PCDH11X: variants seen among roughly 807,000 people sequenced by gnomAD.
PCDH11X encodes protocadherin 11 X-linked.
PCDH11X carries 18 observed loss-of-function variants against 53.3 expected under a neutral mutation model. The ratio of observed to expected loss-of-function variants is 0.34; its 90% CI spans 0.23 to 0.50. The LOEUF (loss-of-function observed/expected upper bound fraction) is 0.50, where lower values mean the gene tolerates loss of function less well. Ranked by LOEUF, PCDH11X falls within the 20% of genes least tolerant of loss-of-function variation. The pLI is 0.98. For missense variants in PCDH11X, 570 were observed against 1,032.4 expected (o/e 0.55, Z 6.14); for synonymous variants, 279 against 393.3 (o/e 0.71, Z 3.44).
intron 8 of PCDH11X, among the ~76,000 whole-genome samples, chrX:92,270,112 C>CTTTTT (rs760007148): frequency 4.2e-5 from 4 of 95,605 alleles, no homozygotes; most frequent in African/African-American, 3.9e-5. Flanking sequence ...GCTTCCTTTT[C>CTTTTT]TTTTTTTTTT....
chrX:92,565,659 G>A (rs1394974495), intron 10 of PCDH11X, among the ~76,000 whole-genome samples: 4 of 104,566 alleles, frequency 3.8e-5, no homozygotes, highest in East Asian at 3.0e-4. Context: ...GGGTTTGGGG[G>A]GAATGCTGGG....
chrX:92,094,284 T>C (rs770638953), intron 6 of PCDH11X, among the ~76,000 whole-genome samples: 47 of 110,312 alleles, frequency 4.3e-4, no homozygotes, highest in African/African-American at 1.5e-3. Context: ...GACAACAGCA[T>C]TTTATCAAGA....
intron 9 of PCDH11X, chrX:92,420,498 T>C (rs1371409780): frequency 2.6e-5 from 9 of 350,942 alleles, no homozygotes; most frequent in Admixed American, 2.5e-4. Context: ...TCTGTGAGTT[T>C]CCCTTCATCT....
At chrX:92,305,092 T>C (rs913051523) in intron 8 of PCDH11X, among the ~76,000 whole-genome samples, 7 of 111,620 alleles carry the variant, frequency 6.3e-5, no homozygotes, top group Admixed American at 1.9e-4. Flanking sequence ...TGATTTACTA[T>C]ATTTTACTAA....
chrX:91,961,400 G>A (rs1187349087), intron 6 of PCDH11X, among the ~76,000 whole-genome samples: 1 of 110,520 alleles, frequency 9.0e-6, no homozygotes, highest in Non-Finnish European at 1.9e-5. Flanking sequence ...TCAGGAGCAA[G>A]GATGTCCACT....
intron 9 of PCDH11X, among the ~76,000 whole-genome samples, chrX:92,394,920 A>G (rs2071210337): frequency 8.9e-6 from 1 of 111,935 alleles, no homozygotes; most frequent in African/African-American, 3.2e-5. Context: ...TGGTGAATAT[A>G]TCAAGGAATT....
intron 9 of PCDH11X, among the ~76,000 whole-genome samples, chrX:92,410,330 T>A (rs1162140058): frequency 8.6e-5 from 9 of 104,191 alleles, no homozygotes; most frequent in African/African-American, 2.8e-4. Flanking sequence ...GAATCACCTT[T>A]CTTAGTGCGT....
chrX:92,023,022 T>TA (rs1382137276), intron 6 of PCDH11X, among the ~76,000 whole-genome samples: 10 of 110,478 alleles, frequency 9.1e-5, no homozygotes, highest in Admixed American at 1.9e-4. Flanking sequence ...AAAGCAGTGT[T>TA]AAGAGGGTAA....
intron 10 of PCDH11X, among the ~76,000 whole-genome samples, chrX:92,480,194 T>G (rs1177725813): frequency 8.9e-6 from 1 of 111,959 alleles, no homozygotes; most frequent in Non-Finnish European, 1.9e-5. Context: ...TTTTCAGCTC[T>G]GTGAGCTCAG....
At chrX:92,553,682 T>G (rs2075000568) in intron 10 of PCDH11X, among the ~76,000 whole-genome samples, 1 of 110,098 alleles carries the variant, frequency 9.1e-6, no homozygotes, top group Admixed American at 9.8e-5. Flanking sequence ...TTTCTCCTCT[T>G]TTTTGATGTA....
intron 1 of PCDH11X, among the ~76,000 whole-genome samples, chrX:91,783,527 G>T (rs1475925963): frequency 9.0e-6 from 1 of 111,473 alleles, no homozygotes; most frequent in African/African-American, 3.3e-5. Flanking sequence ...CTTCCAGACT[G>T]CTGGTGGCAG....
intron 1 of PCDH11X, chrX:91,798,174 G>A (rs763551936): frequency 3.9e-4 from 44 of 111,402 alleles, no homozygotes; most frequent in African/African-American, 1.1e-3. Context: ...TCTGTCCGAG[G>A]ACAATATATT....
At position 91,835,720 on chromosome X, in the gene PCDH11X, G is replaced by A. The variant is rs1322069806; in HGVS notation, c.216G>A (p.Val72=). The change falls in exon 5 of 11, where the codon GTG becomes GTA. Residue 72 remains valine, a synonymous_variant. Coordinates refer to ENST00000682573, the MANE Select transcript of PCDH11X (RefSeq NM_032968.5). ...AGCTAGTGTACAAGACCGGAGATGT[G>A]CCACTGATTCGAATTGAAGAGGATA... is the stretch of plus-strand genomic sequence containing the variant. ...QFKLVYKTGD[V]PLIRIEEDTG... is the part of the protein sequence containing the mutation. 1 of 1,211,527 alleles carries A rather than the reference G, an allele frequency of 8.3e-7. No homozygotes were observed. The highest frequency in any genetic ancestry group is 2.2e-5 in the Admixed American group (1 of 45,945).
intron 6 of PCDH11X, among the ~76,000 whole-genome samples, chrX:92,059,331 C>G (rs1317579725): frequency 1.8e-5 from 2 of 110,915 alleles, no homozygotes; most frequent in Admixed American, 1.9e-4. Flanking sequence ...ATCCCATGAG[C>G]TAGGAAAGGC....
intron 6 of PCDH11X, chrX:92,114,195 C>G (rs2064585394): frequency 3.6e-6 from 4 of 1,109,096 alleles, no homozygotes; most frequent in Non-Finnish European, 2.5e-6. Flanking sequence ...GCTGCAGAAT[C>G]GATATGGCAA....
intron 7 of PCDH11X, among the ~76,000 whole-genome samples, chrX:92,245,691 G>A (rs982726329): frequency 8.9e-6 from 1 of 111,884 alleles, no homozygotes; most frequent in Non-Finnish European, 1.9e-5. Context: ...AGATTTCCCA[G>A]CTTTGACACA....
chrX:92,541,059 C>A (rs1438439994), intron 10 of PCDH11X, among the ~76,000 whole-genome samples: 2 of 110,991 alleles, frequency 1.8e-5, no homozygotes, highest in African/African-American at 6.5e-5. Context: ...TGGTGTCTTC[C>A]TAGGTCACGT....
chrX:92,256,305 G>T (rs946913355), intron 7 of PCDH11X, among the ~76,000 whole-genome samples: 2 of 111,163 alleles, frequency 1.8e-5, no homozygotes, highest in Non-Finnish European at 3.8e-5. Flanking sequence ...TTCAGCTCGC[G>T]CACGGTGTGC....
intron 9 of PCDH11X, among the ~76,000 whole-genome samples, chrX:92,423,009 C>T (rs936358858): frequency 1.4e-4 from 15 of 107,109 alleles, no homozygotes; most frequent in South Asian, 1.2e-3. Flanking sequence ...CCACAAGGCC[C>T]GGCTAATTAT....
Sources: gnomAD v4.1 joint callset for allele counts (sites outside exome capture counted in the v4.1 genomes callset) on GRCh38, gnomAD v4.1.1 for gene constraint, MANE v1.5 for transcripts, NCBI Gene and HGNC (gene_info 2026-07-23, HGNC 2026-07-21) for gene names.